MYO18B: variants seen among roughly 807,000 people sequenced by gnomAD.
The protein encoded by MYO18B is myosin XVIIIB, also known as unconventional myosin-XVIIIb.
MYO18B carries 204 observed loss-of-function variants against 273.0 expected under a neutral mutation model. The observed-to-expected ratio is 0.75, with a 90% CI of 0.67 to 0.84. The LOEUF (loss-of-function observed/expected upper bound fraction) is 0.84, where lower values mean the gene tolerates loss of function less well. Among genes scored for constraint, MYO18B ranks in the 40% least tolerant of loss-of-function variants. MYO18B has a pLI of 0.00. For missense variants in MYO18B, 3,212 were observed against 3,287.6 expected (o/e 0.98, Z 0.56); for synonymous variants, 1,330 against 1,305.7 (o/e 1.02, Z -0.40).
intron 11 of MYO18B, among the ~76,000 whole-genome samples, chr22:25,793,175 CAT>C (rs2087755269): frequency 6.6e-6 from 1 of 152,202 alleles, no homozygotes; most frequent in Non-Finnish European, 1.5e-5. Flanking sequence ...GCTTTACACA[CAT>C]AAACTCATTT....
intron 18 of MYO18B, 87 bp downstream of exon 18, chr22:25,843,981 A>T: frequency 7.6e-7 from 1 of 1,316,796 alleles, no homozygotes. Flanking sequence ...TCACTACAAC[A>T]CAGTGTGGGA....
chr22:25,992,347 C>T lies in MYO18B; in HGVS notation c.6157-16C>T, dbSNP rs79018232. The T allele has an allele frequency of 3.5e-4, 560 of 1,612,910 alleles. 4 individuals are homozygous for T. The East Asian group carries it at 0.011, about 33-fold the overall frequency. ...CTTGCCCAAGGCCAACGTGTGTTTG[C>T]ATCTTCTGTCCCCAGGAGAAGTACG... On this transcript the variant is annotated splice_polypyrimidine_tract_variant and intron_variant, in intron 39 of 43. Coordinates refer to ENST00000335473, the MANE Select transcript of MYO18B (RefSeq NM_032608.7).
At chr22:26,063,179 T>TG in the MYO18B span, among the ~76,000 whole-genome samples, 31 of 152,296 alleles carry the variant, frequency 2.0e-4, no homozygotes, top group Non-Finnish European at 4.0e-4. Context: ...TTGACTTGAA[T>TG]GATATTCAGA....
chr22:26,027,050 C>G lies in MYO18B; in HGVS notation c.7076C>G (p.Pro2359Arg). 1 of 1,613,984 alleles carries G rather than the reference C, an allele frequency of 6.2e-7. No individual in the cohort carries two copies. Reference sequence around the variant, plus strand: ...TGCGAGTCCCTCTTAGAATCCAGACCGAGCATGGGGAGAAAACTGAGCTCT... The same window carrying G: ...TGCGAGTCCCTCTTAGAATCCAGACGGAGCATGGGGAGAAAACTGAGCTCT... Reference protein sequence around the residue: ...SSCESLLESRPSMGRKLSSPT... With the variant: ...SSCESLLESRRSMGRKLSSPT... The change falls in exon 43 of 44, where the codon CCG becomes CGG. Residue 2359 changes from proline (P) to arginine (R), a missense_variant. Transcript: ENST00000335473. This position sits in a 1 kb window ranked among gnomAD's most constrained non-coding sequence, Gnocchi z 4.1.
At chr22:25,967,117 C>G (rs947755444) in intron 39 of MYO18B, among the ~76,000 whole-genome samples, 1 of 152,202 alleles carries the variant, frequency 6.6e-6, no homozygotes, top group Non-Finnish European at 1.5e-5. Context: ...GGAGCAGATA[C>G]TAATCTTGTC....
intron 24 of MYO18B, among the ~76,000 whole-genome samples, chr22:25,876,577 A>G (rs2091205903): frequency 6.6e-6 from 1 of 152,144 alleles, no homozygotes; most frequent in African/African-American, 2.4e-5. Context: ...CTGGGGGTTC[A>G]TGAACACTCA....
At chr22:25,890,658 G>T (rs1173687844) in intron 25 of MYO18B, 98 bp from the exon 26 acceptor site, 3 of 1,502,498 alleles carry the variant, frequency 2.0e-6, no homozygotes, top group Non-Finnish European at 9.0e-7. Flanking sequence ...GCTTTCCCAT[G>T]ATAGTGATTT....
intron 11 of MYO18B, among the ~76,000 whole-genome samples, chr22:25,791,891 C>G (rs1309885031): frequency 1.3e-5 from 2 of 152,208 alleles, no homozygotes; most frequent in African/African-American, 2.4e-5. Context: ...TAGCCAGGCT[C>G]AGAGAGGTGA....
At chr22:26,059,768 G>C in the MYO18B span, among the ~76,000 whole-genome samples, 1 of 152,210 alleles carries the variant, frequency 6.6e-6, no homozygotes, top group Non-Finnish European at 1.5e-5. Flanking sequence ...CCCTTGACTT[G>C]TGGTTAATTA....
chr22:25,774,252 G>A (rs1488370763), intron 7 of MYO18B, among the ~76,000 whole-genome samples: 1 of 152,140 alleles, frequency 6.6e-6, no homozygotes, highest in Non-Finnish European at 1.5e-5. Flanking sequence ...TCCCACCACC[G>A]CTGTCCATGG....
intron 24 of MYO18B, 83 bp downstream of exon 24, chr22:25,876,415 CT>C: frequency 2.8e-6 from 4 of 1,424,594 alleles, no homozygotes; most frequent in Non-Finnish European, 2.8e-6. Flanking sequence ...CCCTGTGCCC[CT>C]ATTCCTGAAT....
chr22:25,995,191 A>G (rs1933098111), intron 40 of MYO18B, among the ~76,000 whole-genome samples: 1 of 152,244 alleles, frequency 6.6e-6, no homozygotes, highest in African/African-American at 2.4e-5. Context: ...AGACACAGAA[A>G]GAGAAACATC....
chr22:25,963,138 CCTCT>C (rs138924267), intron 39 of MYO18B, among the ~76,000 whole-genome samples: 4 of 146,514 alleles, frequency 2.7e-5, no homozygotes, highest in South Asian at 2.3e-4. Flanking sequence ...TTCTCTTTCT[CCTCT>C]CTCTCTCTCC....
chr22:25,931,177 T>C lies in MYO18B; in HGVS notation c.5517+9768T>C, dbSNP rs531913321. Among the ~76,000 whole-genome samples the C allele has an allele frequency of 5.7e-4, 87 of 152,314 alleles. No individual in the cohort carries two copies. The South Asian group carries it at 0.018, about 31-fold the overall frequency. ...ATGTTGGAGTGAATTTATTCAATGT[T>C]AACATAACCTCCTGTCGGAGAAGAT... On this transcript the variant is annotated intron_variant, in intron 34 of 43. Coordinates refer to ENST00000335473, the MANE Select transcript of MYO18B (RefSeq NM_032608.7).
chr22:25,952,751 A>G (rs1021206949), intron 38 of MYO18B, among the ~76,000 whole-genome samples: 4 of 151,402 alleles, frequency 2.6e-5, no homozygotes, highest in Non-Finnish European at 5.9e-5. Flanking sequence ...TTAGCCCTCA[A>G]CCCCTCTGTC....
At chr22:25,963,160 CCTCTCT>C (rs35189393) in intron 39 of MYO18B, among the ~76,000 whole-genome samples, 5 of 132,852 alleles carry the variant, frequency 3.8e-5, no homozygotes, top group Admixed American at 7.7e-5. Context: ...TCCTCTTTCT[CCTCTCT>C]CTCTCTCTCT....
intron 42 of MYO18B, among the ~76,000 whole-genome samples, chr22:26,015,861 C>T (rs1007725825): frequency 3.9e-5 from 6 of 152,190 alleles, no homozygotes; most frequent in African/African-American, 1.4e-4. Flanking sequence ...TATTTTCTTC[C>T]AGTCCTAACT....
At chr22:25,811,763 T>C (rs925457303) in intron 12 of MYO18B, among the ~76,000 whole-genome samples, 8 of 152,210 alleles carry the variant, frequency 5.3e-5, no homozygotes, top group African/African-American at 1.9e-4. Flanking sequence ...TCATGAGCAT[T>C]CAGGTTGTTT....
At position 25,943,742 on chromosome 22, in the gene MYO18B, G is replaced by A. The variant is rs113456101; in HGVS notation, c.5518-2395G>A. On this transcript the variant is annotated intron_variant, in intron 34 of 43. Transcript: ENST00000335473. ...TTTTTTTTTTTTTTTTTTCTGAGAC[G>A]GAGTTTCGGTCTTGTTACCCAGGCT... Among the ~76,000 whole-genome samples the A allele has an allele frequency of 2.5e-3, 339 of 134,956 alleles. 3 individuals carry two copies. In the South Asian group the frequency reaches 0.033, roughly 13 times the overall value. 88.5% of individuals were successfully genotyped at this position (134,956 alleles called of 152,430 possible).
Sources: allele counts gnomAD v4.1 joint callset (sites outside exome capture counted in the v4.1 genomes callset), GRCh38; gene constraint gnomAD v4.1.1; non-coding constraint Gnocchi (gnomAD v3.1); transcripts MANE v1.5; gene names NCBI Gene and HGNC (gene_info 2026-07-23, HGNC 2026-07-21).